MYH7B: variants seen among roughly 807,000 people sequenced by gnomAD.
MYH7B encodes the protein myosin heavy chain 7B, also known as myosin-7B.
A neutral mutation model predicts 234.5 loss-of-function variants in MYH7B; 205 were observed. The observed-to-expected ratio is 0.87, with a 90% CI of 0.78 to 0.98. The LOEUF is 0.98. MYH7B is among the 50% of genes least tolerant of loss of function. The pLI is 0.00. For synonymous variants in MYH7B, 1,193 were observed against 1,105.0 expected (o/e 1.08, Z -1.58); for missense variants, 2,652 against 2,633.4 (o/e 1.01, Z -0.15).
intron 9 of MYH7B, 99 bp downstream of exon 9, chr20:34,981,159 T>C (rs1483930441): frequency 3.3e-6 from 5 of 1,498,160 alleles, no homozygotes; most frequent in South Asian, 1.1e-5. Flanking sequence ...CCAAAGTGCT[T>C]AGGCCAGGAC....
chr20:34,999,127 TGGA>T, exon 36 of MYH7B: 2 of 1,613,614 alleles, frequency 1.2e-6, no homozygotes, highest in Non-Finnish European at 1.7e-6. Context: ...TGCTCATCGT[TGGA>T]GAAGGCCAAG....
exon 37 of MYH7B, chr20:34,999,585 C>T: frequency 3.7e-6 from 6 of 1,610,204 alleles, no homozygotes; most frequent in South Asian, 1.1e-5. Context: ...GATCAGCGAC[C>T]TCACAGACCA....
At chr20:34,983,755 G>A (rs951265688) in intron 10 of MYH7B, among the ~76,000 whole-genome samples, 3 of 152,192 alleles carry the variant, frequency 2.0e-5, no homozygotes, top group African/African-American at 7.2e-5. Context: ...TGTATTGGGG[G>A]GTTCCACCTC....
chr20:34,990,685 A>G (rs867085267), intron 22 of MYH7B, 53 bp from the exon 23 acceptor site: 36 of 1,567,118 alleles, frequency 2.3e-5, no homozygotes, highest in Middle Eastern at 3.3e-4. Flanking sequence ...GCGGCATCCA[A>G]TTCTGGTTCT....
At chr20:34,992,761 G>A (rs1366844679) in intron 24 of MYH7B, among the ~76,000 whole-genome samples, 1 of 151,940 alleles carries the variant, frequency 6.6e-6, no homozygotes, top group Non-Finnish European at 1.5e-5. Flanking sequence ...GTAGAGATAG[G>A]GTTTCACCAT....
intron 3 of MYH7B, among the ~76,000 whole-genome samples, chr20:34,975,763 T>C (rs2081845225): frequency 6.6e-6 from 1 of 152,248 alleles, no homozygotes. Flanking sequence ...TCGCCCAGGC[T>C]GGAGTGCAGT....
chr20:34,998,295 G>C, exon 33 of MYH7B: 1 of 1,613,886 alleles, frequency 6.2e-7, no homozygotes. Context: ...GGGATCCTAG[G>C]CCAGTGCAGA....
chr20:34,980,555 C>G (rs759379430), intron 7 of MYH7B, 23 bp from the exon 8 acceptor site: 2 of 1,594,472 alleles, frequency 1.3e-6, no homozygotes. Context: ...ACAACATAAA[C>G]CCTACCTATA....
intron 1 of MYH7B, among the ~76,000 whole-genome samples, chr20:34,956,636 C>T (rs2147143518): frequency 6.6e-6 from 1 of 152,278 alleles, no homozygotes. Flanking sequence ...AACTGCCTTT[C>T]TGAAGGAATC....
intron 2 of MYH7B, among the ~76,000 whole-genome samples, chr20:34,970,798 T>C (rs1387478258): frequency 6.6e-6 from 1 of 151,918 alleles, no homozygotes; most frequent in Non-Finnish European, 1.5e-5. Flanking sequence ...AAGACAGAAA[T>C]ACAGAGTCTT....
Position 34,996,610 on chromosome 20 carries a change from C to A in MYH7B, c.3121-3C>A. ...GCTGACCCCTGCTGTGCCTGCTCTG[C>A]AGCTGGAATGCTCCCTGGAGCAGGA... is the stretch of plus-strand genomic sequence containing the variant. On this transcript the variant is annotated splice_polypyrimidine_tract_variant and splice_region_variant and intron_variant, in intron 29 of 44. Transcript: ENST00000262873. The A allele has an allele frequency of 1.2e-6, 2 of 1,609,320 alleles. No individual in the cohort carries two copies. The highest frequency in any genetic ancestry group is 1.1e-5 in the South Asian group (1 of 90,480).
chr20:34,996,559 C>T (rs369549619), intron 29 of MYH7B, 37 bp downstream of exon 29: 47 of 1,601,352 alleles, frequency 2.9e-5, no homozygotes, highest in South Asian at 1.1e-4. Context: ...GTGGCGGGGC[C>T]GGGGTGCCGG....
intron 14 of MYH7B, 76 bp downstream of exon 14, chr20:34,986,274 GC>G (rs1043931739): frequency 4.7e-5 from 56 of 1,197,144 alleles, no homozygotes; most frequent in Middle Eastern, 4.0e-4. Context: ...CCCCCATCAG[GC>G]CAGGCCCTGG....
intron 27 of MYH7B, 89 bp from the exon 28 acceptor site, chr20:34,995,247 G>A: frequency 7.4e-7 from 1 of 1,350,844 alleles, no homozygotes; most frequent in Non-Finnish European, 1.0e-6. Flanking sequence ...TGCTACAGAG[G>A]CAGTTTCCTC....
intron 33 of MYH7B, 21 bp from the exon 34 acceptor site, chr20:34,998,490 C>T (rs541333256): frequency 2.4e-5 from 38 of 1,612,738 alleles, no homozygotes; most frequent in East Asian, 1.1e-4. Flanking sequence ...CTGACCTGTC[C>T]GCTCGCCTCT....
In MYH7B at chr20:34,997,259, G is replaced by A. The variant is rs940124456; in HGVS notation, c.3366G>A (p.Ala1122=). ...CCACGTGCCCACCCCAGGCTCGGGC[G>A]GAGGAGCTGGAAGAGGAGCTGGAGG... Residue 1122 remains alanine (A), a synonymous_variant, in exon 32 of 45, where the codon GCG becomes GCA. Transcript: ENST00000262873. 14 of 1,558,274 alleles carry A rather than the reference G, an allele frequency of 9.0e-6. No homozygotes were observed. The highest frequency in any genetic ancestry group is 2.4e-5 in the East Asian group (1 of 42,236).
At chr20:34,977,012 C>T (rs1310250438) in intron 3 of MYH7B, among the ~76,000 whole-genome samples, 8 of 152,102 alleles carry the variant, frequency 5.3e-5, no homozygotes, top group Non-Finnish European at 1.2e-4. Flanking sequence ...CAGGTGTTTG[C>T]GCTTTGCAGA....
rs754953883 is a variant in MYH7B, at chr20:34,977,978, C to T, written c.-28C>T. Reference sequence around the variant, plus strand: ...CCTTGAACCTCCAGGGTTTCCAGCTCCTCCTCCTTCACCCCAGTGCCACTG... The same window carrying T: ...CCTTGAACCTCCAGGGTTTCCAGCTTCTCCTCCTTCACCCCAGTGCCACTG... On this transcript the variant is annotated 5_prime_UTR_variant, in exon 5 of 45. Transcript: ENST00000262873. 3 of 1,613,968 alleles carry T rather than the reference C, an allele frequency of 1.9e-6. No individual in the cohort carries two copies. The highest frequency in any genetic ancestry group is 1.7e-5 in the Admixed American group (1 of 60,024).
intron 4 of MYH7B, 58 bp downstream of exon 4, chr20:34,977,738 G>GGGGGGGGGGGGGGGCCC: frequency 3.2e-6 from 1 of 317,154 alleles, no homozygotes; most frequent in Non-Finnish European, 5.9e-6. Flanking sequence ...GGGCGGGTGG[G>GGGGGGGGGGGGGGGCCC]TGAGGGTGCC....
Sources: gnomAD v4.1 joint callset for allele counts (sites outside exome capture counted in the v4.1 genomes callset) on GRCh38, gnomAD v4.1.1 for gene constraint, MANE v1.5 for transcripts, NCBI Gene and HGNC (gene_info 2026-07-23, HGNC 2026-07-21) for gene names.